BEND4: variants seen among roughly 807,000 people sequenced by gnomAD.
The protein encoded by BEND4 is BEN domain containing 4.
A neutral mutation model predicts 54.7 loss-of-function variants in BEND4; 27 were observed. The observed-to-expected ratio is 0.49, with a 90% CI of 0.36 to 0.68. The LOEUF (loss-of-function observed/expected upper bound fraction) is 0.68, where lower values mean the gene tolerates loss of function less well. Ranked by LOEUF, BEND4 falls within the 30% of genes least tolerant of loss-of-function variation. BEND4 has a pLI of 0.00. For synonymous variants in BEND4, 327 were observed against 299.5 expected, an observed-to-expected ratio of 1.09 and a Z score of -0.95; for missense variants, 702 against 697.2, an observed-to-expected ratio of 1.01 and a Z score of -0.08.
In BEND4 at chr4:42,151,921, G is replaced by A; in HGVS notation, c.223C>T (p.Pro75Ser). ...HAAVSISSSE[P>S]PPQQFQAQSS... The stretch of plus-strand genomic sequence containing the variant: ...TGCGCCTGGAACTGCTGCGGCGGCG[G>A]CTCGCTGCTGCTGATGGAGACGGCG... Residue 75 changes from proline (P) to serine (S), a missense_variant, in exon 2 of 6, where the codon CCG becomes TCG. Coordinates refer to ENST00000502486, the MANE Select transcript of BEND4 (RefSeq NM_207406.4). The A allele has an allele frequency of 1.6e-6, 2 of 1,255,254 alleles. No individual in the cohort carries two copies. The highest frequency in any genetic ancestry group is 1.0e-6 in the Non-Finnish European group (1 of 1,001,418). 77.8% of individuals were successfully genotyped at this position (1,255,254 alleles called of 1,614,324 possible).
chr4:42,141,559 C>T (rs1720881498), intron 3 of BEND4, among the ~76,000 whole-genome samples: 1 of 152,114 alleles, frequency 6.6e-6, no homozygotes, highest in Non-Finnish European at 1.5e-5. Context: ...TGGCGAAACG[C>T]TGTCTCTACT....
At chr4:42,123,641 A>C (rs1720144837) in intron 4 of BEND4, among the ~76,000 whole-genome samples, 1 of 146,532 alleles carries the variant, frequency 6.8e-6, no homozygotes, top group Non-Finnish European at 1.5e-5. Flanking sequence ...TATGGATTTA[A>C]TTCTAGGGAG....
At chr4:42,127,581 G>A (rs1182409297) in intron 3 of BEND4, among the ~76,000 whole-genome samples, 1 of 152,202 alleles carries the variant, frequency 6.6e-6, no homozygotes, top group African/African-American at 2.4e-5. Context: ...AAACAGGTCT[G>A]CATTTTAGTT....
Position 42,125,636 on chromosome 4 carries a change from G to A in BEND4, c.1093C>T (p.Leu365=). The A allele has an allele frequency of 6.2e-7, 1 of 1,613,620 alleles. No homozygotes were observed. The highest frequency in any genetic ancestry group is 8.5e-7 in the Non-Finnish European group (1 of 1,179,720). The change falls in exon 4 of 6, where the codon CTG becomes TTG. Residue 365 remains leucine, a synonymous_variant. Coordinates refer to ENST00000502486, the MANE Select transcript of BEND4 (RefSeq NM_207406.4). ...ATCAGGAGTTGGTTGTGGTGCTGCA[G>A]AACCATCTTCAAGTAATCTAAAACG... ...QTVLDYLKMV[L]QHHNQLLIPQ...
rs1412471007 is a variant in BEND4 at position 42,117,638 on chromosome 4, T to C, written c.1485A>G (p.Arg495=). 1 of 1,612,406 alleles carries C rather than the reference T, an allele frequency of 6.2e-7. No homozygotes were observed. The highest frequency in any genetic ancestry group is 8.5e-7 in the Non-Finnish European group (1 of 1,179,160). ...GGAAAGTCCCCACCGCCCGCCCCTG[T>C]CGGGCGTGACCGACAGCGTCGCTGA... ...KVFSDAVGHA[R]QGRAVGTFLH... The change falls in exon 6 of 6, where the codon CGA becomes CGG. Residue 495 remains arginine (R), a synonymous_variant. Coordinates refer to ENST00000502486, the MANE Select transcript of BEND4 (RefSeq NM_207406.4).
chr4:42,142,725 G>C (rs985705140), intron 3 of BEND4, among the ~76,000 whole-genome samples: 18 of 146,198 alleles, frequency 1.2e-4, no homozygotes, highest in African/African-American at 4.3e-4. Flanking sequence ...TTGCCAGAAA[G>C]ATGATTTTAC....
intron 3 of BEND4, among the ~76,000 whole-genome samples, chr4:42,139,600 A>C (rs1460120506): frequency 6.6e-6 from 1 of 151,888 alleles, no homozygotes; most frequent in Non-Finnish European, 1.5e-5. Flanking sequence ...AGAAAAAAAA[A>C]AAAATCCTCA....
intron 2 of BEND4, 84 bp from the exon 3 acceptor site, chr4:42,144,078 A>G: frequency 1.1e-6 from 1 of 933,246 alleles, no homozygotes. Context: ...CTTAACATTC[A>G]AACATGTTAA....
intron 3 of BEND4, among the ~76,000 whole-genome samples, chr4:42,134,993 T>C (rs1720646520): frequency 6.6e-6 from 1 of 152,210 alleles, no homozygotes; most frequent in South Asian, 2.1e-4. Flanking sequence ...CTGAGGATGC[T>C]AGAATTTACT....
intron 5 of BEND4, 121 bp downstream of exon 5, chr4:42,119,929 AGCCT>A: frequency 8.2e-7 from 1 of 1,217,510 alleles, no homozygotes; most frequent in Non-Finnish European, 1.2e-6. Flanking sequence ...GGCCACATGA[AGCCT>A]AGACGTTCTC....
chr4:42,113,831 G>C lies in BEND4; in HGVS notation c.*3687C>G, dbSNP rs1316804195. 3 of 152,018 alleles carry C rather than the reference G, an allele frequency of 2.0e-5. No homozygotes were observed. The highest frequency in any genetic ancestry group is 4.8e-5 in the African/African-American group (2 of 41,394). The allele number at this position is 152,018 out of a possible 1,614,324, so 9.4% of individuals were successfully genotyped here. A position where few individuals can be genotyped will look rare whatever the true frequency, so the allele number is the denominator to read the frequency against. On this transcript the variant is annotated 3_prime_UTR_variant, in exon 6 of 6. Coordinates refer to ENST00000502486, the MANE Select transcript of BEND4 (RefSeq NM_207406.4). The stretch of plus-strand genomic sequence containing the variant: ...CGTGAAGTAGCTACAAATATGTCTC[G>C]AATCCCCTACAAAAGGAGATAACAA...
intron 2 of BEND4, among the ~76,000 whole-genome samples, chr4:42,145,903 C>G (rs1294534961): frequency 6.6e-6 from 1 of 152,136 alleles, no homozygotes; most frequent in Non-Finnish European, 1.5e-5. Context: ...ACTGAACACA[C>G]AGCAGGTACT....
chr4:42,150,779 G>T (rs1283175701), intron 2 of BEND4, among the ~76,000 whole-genome samples: 2 of 152,250 alleles, frequency 1.3e-5, no homozygotes, highest in African/African-American at 2.4e-5. Flanking sequence ...CGAGATAAAG[G>T]AGAGGAGTCG....
chr4:42,151,930 T>G lies in BEND4; in HGVS notation c.214A>C (p.Ser72Arg), dbSNP rs1333209865. 2.4e-6 allele frequency: 3 copies of G among 1,252,842 alleles called. No individual in the cohort carries two copies. The highest frequency in any genetic ancestry group is 8.5e-5 in the Admixed American group (2 of 23,480). 77.6% of individuals were successfully genotyped at this position (1,252,842 alleles called of 1,614,324 possible). The change falls in exon 2 of 6, where the codon AGC becomes CGC. Residue 72 changes from serine to arginine, a missense_variant. Coordinates refer to ENST00000502486, the MANE Select transcript of BEND4 (RefSeq NM_207406.4). ...AACTGCTGCGGCGGCGGCTCGCTGC[T>G]GCTGATGGAGACGGCGGCGTGCGGC... is the stretch of plus-strand genomic sequence containing the variant. ...FAPHAAVSIS[S>R]SEPPPQQFQA...
In BEND4 at chr4:42,113,567, T is replaced by G. The variant is rs1013363824; in HGVS notation, c.*3951A>C. On this transcript the variant is annotated 3_prime_UTR_variant, in exon 6 of 6. Coordinates refer to ENST00000502486, the MANE Select transcript of BEND4 (RefSeq NM_207406.4). ...ACCTACAGATTCGAAGTCTGGGTTA[T>G]TGCCTAATTTGGGGTAAACATCTGA... 3.3e-5 allele frequency: 5 copies of G among 152,208 alleles called. No homozygotes were observed. The highest frequency in any genetic ancestry group is 1.3e-4 in the Admixed American group (2 of 15,290). The allele number at this position is 152,208 out of a possible 1,614,324, so 9.4% of individuals were successfully genotyped here.
At chr4:42,134,101 T>C (rs1402234208) in intron 3 of BEND4, among the ~76,000 whole-genome samples, 1 of 152,220 alleles carries the variant, frequency 6.6e-6, no homozygotes, top group Non-Finnish European at 1.5e-5. Flanking sequence ...GTAAATAGTT[T>C]TCCTTGGGGG....
intron 3 of BEND4, among the ~76,000 whole-genome samples, chr4:42,140,091 G>A (rs1303443951): frequency 6.6e-6 from 1 of 152,160 alleles, no homozygotes; most frequent in Non-Finnish European, 1.5e-5. Flanking sequence ...GAGAGGTAAG[G>A]GCAAGAGGGC....
At chr4:42,129,857 T>C (rs1452660417) in intron 3 of BEND4, among the ~76,000 whole-genome samples, 1 of 152,214 alleles carries the variant, frequency 6.6e-6, no homozygotes, top group African/African-American at 2.4e-5. Context: ...AAAGATTTCA[T>C]GATGAAAATG....
rs1457387337 is a variant in BEND4, at chr4:42,112,758, A to G, written c.*4760T>C. ...GTACACAGATCAGTTAAACTTTTAC[A>G]TTTTACATTTAGAAGGCAAATATTG... On this transcript the variant is annotated 3_prime_UTR_variant, in exon 6 of 6. Transcript: ENST00000502486. 5.3e-5 allele frequency: 8 copies of G among 152,078 alleles called. No homozygotes were observed. The East Asian group carries it at 1.2e-3, about 22-fold the overall frequency. 9.4% of individuals were successfully genotyped at this position (152,078 alleles called of 1,614,324 possible). A position where few individuals can be genotyped will look rare whatever the true frequency, so the allele number is the denominator to read the frequency against.
Sources: gnomAD v4.1 joint callset for allele counts (sites outside exome capture counted in the v4.1 genomes callset) on GRCh38, gnomAD v4.1.1 for gene constraint, MANE v1.5 for transcripts, NCBI Gene and HGNC (gene_info 2026-07-23, HGNC 2026-07-21) for gene names.